MDGA2: variants seen among roughly 807,000 people sequenced by gnomAD.
MDGA2 encodes the protein MAM domain-containing glycosylphosphatidylinositol anchor protein 2.
Under a neutral mutation model 117.8 loss-of-function variants are expected in MDGA2, and 40 were observed. That is an observed-to-expected ratio of 0.34 (90% CI 0.26 to 0.44). The LOEUF (loss-of-function observed/expected upper bound fraction) is 0.44. Among genes scored for constraint, MDGA2 ranks in the 20% least tolerant of loss-of-function variants. MDGA2 has a pLI of 1.00. For synonymous variants in MDGA2, 452 were observed against 439.0 expected (o/e 1.03, Z -0.37); for missense variants, 1,123 against 1,250.6 (o/e 0.90, Z 1.54).
At chr14:47,499,076 T>C (rs1894343730) in intron 1 of MDGA2, among the ~76,000 whole-genome samples, 2 of 152,166 alleles carry the variant, frequency 1.3e-5, no homozygotes, top group Non-Finnish European at 2.9e-5. Context: ...CCAGGATAGC[T>C]AATCAGCTAA....
chr14:47,121,358 C>T (rs1396834911), intron 5 of MDGA2, among the ~76,000 whole-genome samples: 2 of 151,990 alleles, frequency 1.3e-5, no homozygotes, highest in Non-Finnish European at 2.9e-5. Flanking sequence ...ATGTAATAAA[C>T]ATACTCACTC....
intron 7 of MDGA2, among the ~76,000 whole-genome samples, chr14:47,038,732 T>C (rs1341340098): frequency 2.0e-5 from 3 of 151,540 alleles, no homozygotes; most frequent in Non-Finnish European, 4.4e-5. Flanking sequence ...AGTCAGGAGA[T>C]CAAGACCATC....
chr14:46,943,190 A>C (rs565603500), intron 9 of MDGA2, among the ~76,000 whole-genome samples: 2 of 152,098 alleles, frequency 1.3e-5, no homozygotes, highest in South Asian at 4.1e-4. Flanking sequence ...TTTTCTGGTA[A>C]TAGTACAGCC....
At chr14:47,319,348 A>C (rs1207319045) in intron 1 of MDGA2, among the ~76,000 whole-genome samples, 1 of 152,182 alleles carries the variant, frequency 6.6e-6, no homozygotes, top group Non-Finnish European at 1.5e-5. Context: ...AACGTCTATT[A>C]TAATCTGCAA....
chr14:47,395,469 G>C (rs1222668318), intron 1 of MDGA2, among the ~76,000 whole-genome samples: 4 of 151,950 alleles, frequency 2.6e-5, no homozygotes, highest in African/African-American at 9.7e-5. Flanking sequence ...TGACTTTATG[G>C]CAAGTGCCAA....
intron 8 of MDGA2, among the ~76,000 whole-genome samples, chr14:46,962,578 A>C (rs1008187499): frequency 2.6e-5 from 4 of 152,216 alleles, no homozygotes; most frequent in African/African-American, 9.6e-5. Flanking sequence ...AATTTGACAA[A>C]GTATTTTTCA....
intron 1 of MDGA2, among the ~76,000 whole-genome samples, chr14:47,449,630 T>C (rs913600508): frequency 3.7e-4 from 57 of 152,286 alleles, no homozygotes; most frequent in African/African-American, 1.3e-3. Context: ...CATATAATAC[T>C]AGTATCTCAT....
At chr14:46,986,178 C>A (rs925103577) in intron 8 of MDGA2, among the ~76,000 whole-genome samples, 1 of 152,030 alleles carries the variant, frequency 6.6e-6, no homozygotes, top group Non-Finnish European at 1.5e-5. Flanking sequence ...GCACTTGGCA[C>A]AGACACAACA....
chr14:46,912,232 T>A (rs1883733309), intron 10 of MDGA2, among the ~76,000 whole-genome samples: 2 of 152,196 alleles, frequency 1.3e-5, no homozygotes, highest in Admixed American at 1.3e-4. Context: ...TTTCATATTT[T>A]AAAATTTTGT....
intron 3 of MDGA2, among the ~76,000 whole-genome samples, chr14:47,213,502 A>C (rs1388798186): frequency 6.6e-6 from 1 of 152,124 alleles, no homozygotes; most frequent in African/African-American, 2.4e-5. Flanking sequence ...GGAAATTCTT[A>C]ATTTAAAAAA....
intron 2 of MDGA2, among the ~76,000 whole-genome samples, chr14:47,282,523 AACACAC>A (rs59651044): frequency 6.7e-6 from 1 of 149,382 alleles, no homozygotes; most frequent in Non-Finnish European, 1.5e-5. Context: ...ATTAAAAATA[AACACAC>A]ACACACACAC....
intron 6 of MDGA2, among the ~76,000 whole-genome samples, chr14:47,079,604 G>T (rs570017886): frequency 1.3e-5 from 2 of 151,752 alleles, no homozygotes; most frequent in East Asian, 3.9e-4. Flanking sequence ...TTTTACTTTA[G>T]AAAGACATTT....
intron 1 of MDGA2, among the ~76,000 whole-genome samples, chr14:47,535,846 G>A (rs1462814740): frequency 1.3e-5 from 2 of 152,180 alleles, no homozygotes; most frequent in Non-Finnish European, 2.9e-5. Flanking sequence ...CACAAACTCA[G>A]TGGTTTAAAA....
At chr14:47,079,350 A>G (rs1890615166) in intron 6 of MDGA2, among the ~76,000 whole-genome samples, 3 of 152,156 alleles carry the variant, frequency 2.0e-5, no homozygotes, top group African/African-American at 2.4e-5. Context: ...ATTGAGCAAA[A>G]CCCAAGCATT....
chr14:47,467,637 T>C (rs1019856218), intron 1 of MDGA2, among the ~76,000 whole-genome samples: 2 of 152,124 alleles, frequency 1.3e-5, no homozygotes, highest in Non-Finnish European at 2.9e-5. Context: ...ATCCTCACTC[T>C]TCTACCTACC....
chr14:47,357,974 G>A (rs1277542262), intron 1 of MDGA2, among the ~76,000 whole-genome samples: 2 of 152,128 alleles, frequency 1.3e-5, no homozygotes, highest in African/African-American at 4.8e-5. Context: ...GTAACCCATA[G>A]TCCCTGGGTT....
intron 9 of MDGA2, among the ~76,000 whole-genome samples, chr14:46,941,602 C>T (rs1595059228): frequency 6.6e-6 from 1 of 152,102 alleles, no homozygotes; most frequent in South Asian, 2.1e-4. Flanking sequence ...CTAAAAAGTT[C>T]TGTGATTCCT....
rs765622777 is a variant in MDGA2 at position 47,155,885 on chromosome 14, CTTCTTTTTTTTTTTTTTTTTTTTT to C, written c.596-11635_596-11612del. Reference sequence around the variant, plus strand: ...ACAATTCTTTTCTTTTCTTCTTCTTCTTCTTTTTTTTTTTTTTTTTTTTTTTTTTTTTTTTTTTTTTTTTTTGAG... The same window carrying C: ...ACAATTCTTTTCTTTTCTTCTTCTTCTTTTTTTTTTTTTTTTTTTTTTGAG... On this transcript the variant is annotated intron_variant, in intron 3 of 16. Coordinates refer to ENST00000399232, the MANE Select transcript of MDGA2 (RefSeq NM_001113498.3). Among the ~76,000 whole-genome samples, 28 of 80,410 alleles carry C rather than the reference CTTCTTTTTTTTTTTTTTTTTTTTT, an allele frequency of 3.5e-4. 1 individual carries two copies. The highest frequency in any genetic ancestry group is 7.8e-4 in the African/African-American group (18 of 22,974). The allele number at this position is 80,410 out of a possible 152,430, so 52.8% of individuals were successfully genotyped here. A position where few individuals can be genotyped will look rare whatever the true frequency, so the allele number is the denominator to read the frequency against.
intron 1 of MDGA2, among the ~76,000 whole-genome samples, chr14:47,495,284 G>C (rs1344455737): frequency 6.6e-6 from 1 of 151,944 alleles, no homozygotes; most frequent in Non-Finnish European, 1.5e-5. Context: ...TGGGTGGGTG[G>C]TTGGGTGGCA....
Sources: gnomAD v4.1 joint callset for allele counts (sites outside exome capture counted in the v4.1 genomes callset) on GRCh38, gnomAD v4.1.1 for gene constraint, MANE v1.5 for transcripts, NCBI Gene and HGNC (gene_info 2026-07-23, HGNC 2026-07-21) for gene names.